Variants in OPCML observed in about 807,000 individuals in gnomAD.
OPCML encodes opioid binding protein/cell adhesion molecule like.
In OPCML, 13 loss-of-function variants were observed where a neutral mutation model predicts 37.8. The observed-to-expected ratio is 0.34, with a 90% CI of 0.22 to 0.55. OPCML has a LOEUF of 0.55. OPCML is among the 20% of genes least tolerant of loss of function. The pLI is 0.91. For missense variants in OPCML, 341 were observed against 435.6 expected, an observed-to-expected ratio of 0.78 and a Z score of 1.93; for synonymous variants, 176 against 168.8, an observed-to-expected ratio of 1.04 and a Z score of -0.33.
At position 133,206,577 on chromosome 11, in the gene OPCML, T is replaced by TA. The variant is rs1939071192; in HGVS notation, c.62-263568dup. Reference sequence around the variant, plus strand: ...ATCTAAGCCACTAATAAATGAAGGGTAGTAGATTTGGAAAGCTGTTTATAG... The same window carrying TA: ...ATCTAAGCCACTAATAAATGAAGGGTAAGTAGATTTGGAAAGCTGTTTATAG... On this transcript the variant is annotated intron_variant, in intron 1 of 7. Transcript: ENST00000524381. The surrounding 1 kb of genome is among the most constrained non-coding windows in gnomAD (Gnocchi z 4.7). Among the ~76,000 whole-genome samples, 1 of 151,996 alleles carries TA rather than the reference T, an allele frequency of 6.6e-6. No individual in the cohort carries two copies. The highest frequency in any genetic ancestry group is 1.5e-5 in the Non-Finnish European group (1 of 68,002).
intron 1 of OPCML, among the ~76,000 whole-genome samples, chr11:132,973,775 C>T (rs1192995495): frequency 6.6e-6 from 1 of 152,230 alleles, no homozygotes; most frequent in African/African-American, 2.4e-5. Flanking sequence ...CTTCTCCAAT[C>T]TTCTCATTCC....
chr11:133,314,354 T>G (rs1460276483), intron 1 of OPCML, among the ~76,000 whole-genome samples: 1 of 150,700 alleles, frequency 6.6e-6, no homozygotes, highest in Non-Finnish European at 1.5e-5. Context: ...AACATCCTTC[T>G]AAACTTCATG....
At chr11:132,476,562 C>T (rs989455176) in intron 4 of OPCML, among the ~76,000 whole-genome samples, 7 of 151,956 alleles carry the variant, frequency 4.6e-5, no homozygotes, top group Non-Finnish European at 8.8e-5. Context: ...AAGCTGGAAA[C>T]CATCATTCTC....
chr11:132,437,822 A>G (rs1302822503), intron 4 of OPCML, among the ~76,000 whole-genome samples: 1 of 152,242 alleles, frequency 6.6e-6, no homozygotes, highest in Non-Finnish European at 1.5e-5. Flanking sequence ...AATACAAACT[A>G]CTACTTGTAG....
chr11:132,676,477 C>A (rs1360411134), intron 2 of OPCML, among the ~76,000 whole-genome samples: 1 of 151,280 alleles, frequency 6.6e-6, no homozygotes, highest in Non-Finnish European at 1.5e-5. Context: ...CAAAGAGCAC[C>A]AGTGAGAAAG....
At chr11:132,944,091 G>A (rs997400376) in intron 1 of OPCML, among the ~76,000 whole-genome samples, 9 of 152,194 alleles carry the variant, frequency 5.9e-5, no homozygotes, top group Non-Finnish European at 1.0e-4. Flanking sequence ...GATGCCTGCG[G>A]GGATGAGCCC....
At chr11:132,608,056 A>T (rs1938415389) in intron 3 of OPCML, among the ~76,000 whole-genome samples, 1 of 152,222 alleles carries the variant, frequency 6.6e-6, no homozygotes, top group Admixed American at 6.5e-5. Context: ...AGGTGATTTG[A>T]TTACCCTGAT....
chr11:133,258,870 T>G (rs1941405511), intron 1 of OPCML, among the ~76,000 whole-genome samples: 1 of 152,188 alleles, frequency 6.6e-6, no homozygotes, highest in Admixed American at 6.5e-5. Context: ...TCTTAGAATG[T>G]TTCCTGGGCA....
At chr11:133,111,179 G>C (rs1448878796) in intron 1 of OPCML, among the ~76,000 whole-genome samples, 3 of 107,814 alleles carry the variant, frequency 2.8e-5, no homozygotes, top group Non-Finnish European at 4.3e-5. Flanking sequence ...AGTTCTGTGT[G>C]AATGAGAAAA....
chr11:133,268,658 T>C (rs1387698467), intron 1 of OPCML, among the ~76,000 whole-genome samples: 3 of 152,196 alleles, frequency 2.0e-5, no homozygotes, highest in Non-Finnish European at 4.4e-5. Context: ...AGATTAACAA[T>C]TTAAGGTAAT....
chr11:132,993,776 G>C (rs1257258744), intron 1 of OPCML, among the ~76,000 whole-genome samples: 1 of 152,126 alleles, frequency 6.6e-6, no homozygotes, highest in African/African-American at 2.4e-5. Context: ...CATTTTATGT[G>C]TTCGGATCAT....
At chr11:133,176,817 A>C (rs1276188509) in intron 1 of OPCML, among the ~76,000 whole-genome samples, 1 of 152,244 alleles carries the variant, frequency 6.6e-6, no homozygotes, top group Non-Finnish European at 1.5e-5. Context: ...TAACGTAGCA[A>C]ATCAGTCATA....
intron 1 of OPCML, among the ~76,000 whole-genome samples, chr11:133,164,090 C>T (rs1192595351): frequency 6.6e-6 from 1 of 152,198 alleles, no homozygotes; most frequent in Non-Finnish European, 1.5e-5. Context: ...ACGGCATGAG[C>T]TAACTTGCTC....
rs543007895 is a variant in OPCML at position 132,754,148 on chromosome 11, C to T, written c.147-96829G>A. On this transcript the variant is annotated intron_variant, in intron 2 of 7. Coordinates refer to ENST00000524381, the MANE Select transcript of OPCML (RefSeq NM_001012393.5). ...AGAAAGTCAGCCCTTCAGCATCAGC[C>T]TCCAACAGTAAGAGGTGTTTCAGAA... 1.1e-4 allele frequency among the ~76,000 whole-genome samples: 17 copies of T among 152,286 alleles called. No individual in the cohort carries two copies. In the East Asian group the frequency reaches 2.3e-3, roughly 21 times the overall value.
At chr11:133,476,859 C>A (rs1947251143) in intron 1 of OPCML, among the ~76,000 whole-genome samples, 1 of 152,178 alleles carries the variant, frequency 6.6e-6, no homozygotes, top group Admixed American at 6.5e-5. Flanking sequence ...AACCTCCTCC[C>A]AGGAACCTGT....
chr11:132,805,097 A>G (rs1041962118), intron 2 of OPCML, among the ~76,000 whole-genome samples: 1 of 152,214 alleles, frequency 6.6e-6, no homozygotes, highest in Non-Finnish European at 1.5e-5. Context: ...CGATAGAAAC[A>G]GAACCAAATG....
intron 2 of OPCML, among the ~76,000 whole-genome samples, chr11:132,683,720 G>A (rs909626929): frequency 1.3e-5 from 2 of 152,170 alleles, no homozygotes; most frequent in African/African-American, 2.4e-5. Context: ...AGCAGAATGT[G>A]CTGTCATTCA....
Position 133,127,443 on chromosome 11 carries a change from G to A in OPCML, c.62-184433C>T, listed in dbSNP as rs1008271217. Among the ~76,000 whole-genome samples, 3 of 151,890 alleles carry A rather than the reference G, an allele frequency of 2.0e-5. No homozygotes were observed. In the East Asian group the frequency reaches 5.8e-4, roughly 29 times the overall value. ...GAGCCCAGTAGTTCAAGATCAGCCC[G>A]GCAACCTGGAAAAACCCTGTCTCTA... On this transcript the variant is annotated intron_variant, in intron 1 of 7. Coordinates refer to ENST00000524381, the MANE Select transcript of OPCML (RefSeq NM_001012393.5).
intron 2 of OPCML, among the ~76,000 whole-genome samples, chr11:132,779,558 G>T (rs371496727): frequency 1.1e-4 from 16 of 151,722 alleles, no homozygotes; most frequent in East Asian, 3.9e-4. Flanking sequence ...TAGACAGAAG[G>T]GGGGCGTGGG....
Sources: gnomAD v4.1 joint callset for allele counts (sites outside exome capture counted in the v4.1 genomes callset) on GRCh38, gnomAD v4.1.1 for gene constraint, Gnocchi (gnomAD v3.1) non-coding constraint, MANE v1.5 for transcripts, NCBI Gene and HGNC (gene_info 2026-07-23, HGNC 2026-07-21) for gene names.